INSC: variants seen among roughly 807,000 people sequenced by gnomAD.
The protein encoded by INSC is INSC spindle orientation adaptor protein, also known as protein inscuteable homolog.
In INSC, 67 loss-of-function variants were observed where a neutral mutation model predicts 58.6. The observed-to-expected ratio is 1.14, with a 90% CI of 0.94 to 1.40. INSC has a LOEUF of 1.40. INSC is among the 40% of genes most tolerant of loss of function. The pLI is 0.00. For missense variants in INSC, 714 were observed against 692.0 expected (o/e 1.03, Z -0.36); for synonymous variants, 262 against 276.1 (o/e 0.95, Z 0.51).
chr11:15,222,705 G>T (rs1264160623), intron 8 of INSC, among the ~76,000 whole-genome samples: 3 of 152,296 alleles, frequency 2.0e-5, no homozygotes, highest in African/African-American at 7.2e-5. Context: ...TTGGAGATCT[G>T]CAAGTACTTT....
intron 9 of INSC, among the ~76,000 whole-genome samples, chr11:15,227,262 TTGGTCCTGCCTGGGCCATTTA>T (rs1275876133): frequency 6.6e-6 from 1 of 152,178 alleles, no homozygotes; most frequent in Non-Finnish European, 1.5e-5. Context: ...AGACTGGGTG[TTGGTCCTGCCTGGGCCATTTA>T]TCAATTGAGT....
intron 7 of INSC, among the ~76,000 whole-genome samples, chr11:15,217,081 C>G (rs1234576444): frequency 6.6e-6 from 1 of 152,158 alleles, no homozygotes; most frequent in Non-Finnish European, 1.5e-5. Flanking sequence ...GCTGTAAGGA[C>G]ATATCCAAGA....
rs531148921 is a variant in INSC at position 15,152,027 on chromosome 11, T to A, written c.56+2797T>A. 1.2e-4 allele frequency among the ~76,000 whole-genome samples: 18 copies of A among 152,358 alleles called. 1 individual carries two copies. Among genetic ancestry groups the A allele is most frequent in the African/African-American group, 4.3e-4 (18 of 41,572 alleles). On this transcript the variant is annotated intron_variant, in intron 2 of 12. Coordinates refer to ENST00000379556, the MANE Select transcript of INSC (RefSeq NM_001042536.3). ...TTTCAAGTACTTGTTATGGGATGGA[T>A]ACTCCACACAGCTATTCATTTAGTC...
At chr11:15,142,294 A>G (rs979205819) in intron 1 of INSC, among the ~76,000 whole-genome samples, 2 of 152,158 alleles carry the variant, frequency 1.3e-5, no homozygotes, top group African/African-American at 4.8e-5. Flanking sequence ...TGCTACTGAG[A>G]TAGTTTCCTA....
chr11:15,200,180 C>T (rs1033698420), intron 6 of INSC, among the ~76,000 whole-genome samples: 1 of 146,366 alleles, frequency 6.8e-6, no homozygotes, highest in Non-Finnish European at 1.5e-5. Context: ...CACACACACA[C>T]ACACACACAC....
chr11:15,154,842 G>A (rs1848760095), intron 2 of INSC, among the ~76,000 whole-genome samples: 1 of 152,094 alleles, frequency 6.6e-6, no homozygotes, highest in African/African-American at 2.4e-5. Context: ...TAGTGCCACA[G>A]GGATAGGAAA....
At chr11:15,117,056 C>A (rs564129901) in intron 1 of INSC, among the ~76,000 whole-genome samples, 48 of 150,806 alleles carry the variant, frequency 3.2e-4, no homozygotes, top group African/African-American at 8.3e-4. Context: ...GATTCTCCTG[C>A]CTCAGCCCCT....
intron 2 of INSC, among the ~76,000 whole-genome samples, chr11:15,171,404 T>G (rs1564882836): frequency 6.6e-6 from 1 of 152,080 alleles, no homozygotes. Context: ...CACCGAAGGC[T>G]TCTCACAATC....
chr11:15,133,593 C>A (rs898309691), intron 1 of INSC, among the ~76,000 whole-genome samples: 1 of 151,778 alleles, frequency 6.6e-6, no homozygotes, highest in Non-Finnish European at 1.5e-5. Flanking sequence ...TTTCTGGATC[C>A]CTGTTTGATT....
At chr11:15,209,489 T>C (rs1332911497) in intron 7 of INSC, among the ~76,000 whole-genome samples, 1 of 152,142 alleles carries the variant, frequency 6.6e-6, no homozygotes, top group Non-Finnish European at 1.5e-5. Flanking sequence ...AGGCCTCCTC[T>C]GGACCTCCTT....
chr11:15,219,496 G>C (rs1394680110), intron 7 of INSC, among the ~76,000 whole-genome samples: 1 of 152,144 alleles, frequency 6.6e-6, no homozygotes, highest in Non-Finnish European at 1.5e-5. Flanking sequence ...ATTCAATGGG[G>C]TTTCAGAGCA....
chr11:15,252,917 A>G, the INSC span, among the ~76,000 whole-genome samples: 2 of 152,144 alleles, frequency 1.3e-5, no homozygotes, highest in African/African-American at 2.4e-5. Context: ...CTAATGTGTC[A>G]ATATCTCTCA....
chr11:15,172,309 C>T (rs533911276), intron 2 of INSC, among the ~76,000 whole-genome samples: 4 of 152,242 alleles, frequency 2.6e-5, no homozygotes, highest in Non-Finnish European at 4.4e-5. Flanking sequence ...GTGTCAATCT[C>T]GGGGCACTCT....
chr11:15,151,696 A>G (rs1399595182), intron 2 of INSC, among the ~76,000 whole-genome samples: 2 of 152,126 alleles, frequency 1.3e-5, no homozygotes, highest in Non-Finnish European at 2.9e-5. Context: ...TTACACTCCC[A>G]GGGTTGTGCC....
chr11:15,221,407 G>C (rs1024616494), intron 7 of INSC, 70 bp from the exon 8 acceptor site: 34 of 1,514,902 alleles, frequency 2.2e-5, no homozygotes, highest in Non-Finnish European at 2.8e-5. Flanking sequence ...ATCTGTATCT[G>C]TCTCATTAAT....
chr11:15,208,819 A>C (rs1850910994), intron 7 of INSC, among the ~76,000 whole-genome samples: 1 of 152,138 alleles, frequency 6.6e-6, no homozygotes, highest in African/African-American at 2.4e-5. Flanking sequence ...CCCCTGGTGG[A>C]TAAGAACACC....
chr11:15,241,185 G>C (rs150616537), intron 12 of INSC, among the ~76,000 whole-genome samples: 3 of 152,170 alleles, frequency 2.0e-5, no homozygotes, highest in Admixed American at 1.3e-4. Flanking sequence ...GGTCTCTAAG[G>C]ACTCCCAAAG....
At chr11:15,112,359 A>T, upstream of INSC, 1 of 871,422 alleles carries the variant, frequency 1.1e-6, no homozygotes, top group Non-Finnish European at 1.8e-6. Flanking sequence ...CTTTGCCTTG[A>T]GTCACAGGCC....
chr11:15,118,833 C>T (rs918969097), intron 1 of INSC, among the ~76,000 whole-genome samples: 9 of 152,204 alleles, frequency 5.9e-5, no homozygotes, highest in African/African-American at 1.9e-4. Context: ...CAGTAACTCA[C>T]TTTTATTTAT....
Sources: gnomAD v4.1 joint callset for allele counts (sites outside exome capture counted in the v4.1 genomes callset) on GRCh38, gnomAD v4.1.1 for gene constraint, MANE v1.5 for transcripts, NCBI Gene and HGNC (gene_info 2026-07-23, HGNC 2026-07-21) for gene names.